Variants in TNRC6A observed in about 807,000 individuals in gnomAD.
TNRC6A encodes the protein trinucleotide repeat containing adaptor 6A, also known as trinucleotide repeat-containing gene 6A protein.
A neutral mutation model predicts 221.2 loss-of-function variants in TNRC6A; 44 were observed. That is an observed-to-expected ratio of 0.20 (90% CI 0.16 to 0.26). TNRC6A has a LOEUF of 0.26. TNRC6A is among the 10% of genes least tolerant of loss of function. TNRC6A has a pLI of 1.00. For synonymous variants in TNRC6A, 847 were observed against 838.5 expected (o/e 1.01, Z -0.18); for missense variants, 2,199 against 2,404.4 (o/e 0.91, Z 1.79).
intron 2 of TNRC6A, among the ~76,000 whole-genome samples, chr16:24,674,368 G>A (rs1357740349): frequency 6.6e-6 from 1 of 152,198 alleles, no homozygotes; most frequent in South Asian, 2.1e-4. Context: ...TCATGCCACT[G>A]CACTCCAGCC....
chr16:24,739,179 C>G (rs895563840), intron 2 of TNRC6A, among the ~76,000 whole-genome samples: 1 of 152,196 alleles, frequency 6.6e-6, no homozygotes, highest in Non-Finnish European at 1.5e-5. Context: ...CTTTCCATTG[C>G]CAGCATTTGT....
Position 24,613,438 on chromosome 16 carries a change from CATTTT to C in TNRC6A, n.276+3044_276+3048del, listed in dbSNP as rs869133147. On this transcript the variant is annotated intron_variant and non_coding_transcript_variant, in intron 1 of 2. Coordinates refer to the TNRC6A transcript ENST00000566108. ...TGGGATCAATGAGCAACTATTAAAG[CATTTT>C]ATTTTATTTTATTTTATTTTATTTT... is the stretch of plus-strand genomic sequence containing the variant. 8.3e-3 allele frequency among the ~76,000 whole-genome samples: 886 copies of C among 107,010 alleles called. 4 individuals are homozygous for C. Among genetic ancestry groups the C allele is most frequent in the East Asian group, 0.024 (83 of 3,530 alleles). The allele number at this position is 107,010 out of a possible 152,430, so 70.2% of individuals were successfully genotyped here.
At chr16:24,652,964 T>C (rs760805007) in intron 2 of TNRC6A, among the ~76,000 whole-genome samples, 8 of 152,196 alleles carry the variant, frequency 5.3e-5, no homozygotes, top group Admixed American at 2.0e-4. Context: ...GAGAATTCTC[T>C]TGAACTTTGT....
rs181578782 is a variant in TNRC6A, at chr16:24,670,230, G to A, written n.402+29221G>A. Among the ~76,000 whole-genome samples the A allele has an allele frequency of 5.0e-3, 757 of 152,060 alleles. 5 individuals carry two copies. Among genetic ancestry groups the A allele is most frequent in the Middle Eastern group, 6.8e-3 (2 of 294 alleles). ...CTCCCAAAGTGCTGGGATTACAGGC[G>A]TGAGCCACCACACCCAGCCAGCTGT... On this transcript the variant is annotated intron_variant and non_coding_transcript_variant, in intron 2 of 2. Transcript: ENST00000566108.
chr16:24,776,554 A>G (rs1406090708), intron 4 of TNRC6A: 2 of 985,338 alleles, frequency 2.0e-6, no homozygotes, highest in African/African-American at 3.5e-5. Context: ...GGAATAGAGG[A>G]TTCCCTTAGG....
At position 24,824,575 on chromosome 16, in the gene TNRC6A, T is replaced by C. The variant is rs2058835462; in HGVS notation, c.*768T>C. On this transcript the variant is annotated 3_prime_UTR_variant, in exon 25 of 25. Transcript: ENST00000395799. ...TCTTGTTTACAGATTTTTTTGTTTG[T>C]TTTTTGAGAAAAAAAAATGTTTACT... 6.6e-6 allele frequency: 1 copy of C among 152,326 alleles called. No individual in the cohort carries two copies. The highest frequency in any genetic ancestry group is 6.6e-5 in the Admixed American group (1 of 15,254). 9.4% of individuals were successfully genotyped at this position (152,326 alleles called of 1,614,324 possible). A position where few individuals can be genotyped will look rare whatever the true frequency, so the allele number is the denominator to read the frequency against.
At chr16:24,769,501 T>G (rs939218607) in intron 4 of TNRC6A, among the ~76,000 whole-genome samples, 2 of 150,660 alleles carry the variant, frequency 1.3e-5, no homozygotes, top group African/African-American at 4.9e-5. Context: ...AAAATAGAGC[T>G]CTTTACTAGA....
intron 1 of TNRC6A, 83 bp from the exon 2 acceptor site, chr16:24,730,170 G>T (rs1596560571): frequency 7.3e-7 from 1 of 1,372,454 alleles, no homozygotes; most frequent in Non-Finnish European, 9.6e-7. Flanking sequence ...GCGAGCCTCT[G>T]CCGCAGCAGC....
intron 2 of TNRC6A, among the ~76,000 whole-genome samples, chr16:24,718,410 C>T (rs1339919269): frequency 1.3e-5 from 2 of 152,224 alleles, no homozygotes; most frequent in East Asian, 3.9e-4. Context: ...AGGGAGGTAG[C>T]ATTTGAACTG....
chr16:24,664,367 T>C (rs1389677536), intron 2 of TNRC6A, among the ~76,000 whole-genome samples: 1 of 147,584 alleles, frequency 6.8e-6, no homozygotes, highest in Non-Finnish European at 1.5e-5. Context: ...TAACAATATT[T>C]ATTATGTATT....
At chr16:24,625,257 T>C (rs113960262) in intron 1 of TNRC6A, among the ~76,000 whole-genome samples, 5 of 152,238 alleles carry the variant, frequency 3.3e-5, no homozygotes, top group African/African-American at 1.2e-4. Context: ...GCATTGACTC[T>C]TCCCTAACAG....
chr16:24,789,817 A>G lies in TNRC6A; in HGVS notation c.1175A>G (p.Asn392Ser), dbSNP rs774710321. The G allele has an allele frequency of 1.2e-6, 2 of 1,614,200 alleles. No homozygotes were observed. The highest frequency in any genetic ancestry group is 1.7e-6 in the Non-Finnish European group (2 of 1,180,028). Residue 392 changes from asparagine to serine, a missense_variant, in exon 6 of 25, where the codon AAT (asparagine) becomes AGT (serine). By Grantham distance (46) the Asn-to-Ser change is conservative (BLOSUM62 1). This residue lies in a region of TNRC6A where 1,405 missense variants were observed against 1,400.2 expected (regional missense o/e 1.00). Transcript: ENST00000395799. ...GTAGGGAGTGGTAGTTCTGGCATTAATATTCAGTGCAGTACTATAGGCCAG... is the reference window on the plus strand; with the variant it reads ...GTAGGGAGTGGTAGTTCTGGCATTAGTATTCAGTGCAGTACTATAGGCCAG... ...GPVGSGSSGI[N>S]IQCSTIGQMP...
At position 24,823,670 on chromosome 16, in the gene TNRC6A, C is replaced by T. The variant is rs1457814151; in HGVS notation, c.5752C>T (p.Leu1918Phe). The change falls in exon 25 of 25, where the codon CTC becomes TTC. Residue 1918 changes from leucine to phenylalanine, a missense_variant. Leu to Phe is a conservative substitution (Grantham distance 22). Transcript: ENST00000395799. The surrounding 1 kb of genome is among the most constrained non-coding windows in gnomAD (Gnocchi z 4.3). ...CTGTGGAGACCTTCACGGCACTTCA[C>T]TCTGGGGGACCCCGCATTATTCCAC... is the stretch of plus-strand genomic sequence containing the variant. ...TNCGDLHGTSLWGTPHYSTSL... is the reference protein window; with the variant it reads ...TNCGDLHGTSFWGTPHYSTSL... 1.9e-6 allele frequency: 3 copies of T among 1,611,274 alleles called. No individual in the cohort carries two copies. The highest frequency in any genetic ancestry group is 2.5e-6 in the Non-Finnish European group (3 of 1,178,194).
chr16:24,615,323 G>A (rs1900286978), intron 1 of TNRC6A, among the ~76,000 whole-genome samples: 1 of 152,250 alleles, frequency 6.6e-6, no homozygotes, highest in Middle Eastern at 3.4e-3. Flanking sequence ...ATTCCGTGCT[G>A]AGCCCAGTAG....
At chr16:24,706,641 C>G (rs9635492) in intron 2 of TNRC6A, among the ~76,000 whole-genome samples, 37,549 of 146,138 alleles carry the variant, frequency 0.26, 7,945 homozygotes, top group East Asian at 0.72. Flanking sequence ...GCAGTGAGCC[C>G]AGATCGCGCT....
At chr16:24,626,787 T>C (rs1055616991) in intron 1 of TNRC6A, among the ~76,000 whole-genome samples, 11 of 151,472 alleles carry the variant, frequency 7.3e-5, no homozygotes, top group East Asian at 1.9e-4. Flanking sequence ...GTAGCTGGGA[T>C]TACAGGCACC....
chr16:24,762,977 G>A lies in TNRC6A; in HGVS notation c.163+4617G>A, dbSNP rs373190812. On this transcript the variant is annotated intron_variant, in intron 4 of 24. Transcript: ENST00000395799. The stretch of plus-strand genomic sequence containing the variant: ...TACAGTATTTCTCTATTGATTAAGC[G>A]TGTAGATTTTTTTTTTTTAAATTGT... Among the ~76,000 whole-genome samples the A allele has an allele frequency of 1.2e-3, 176 of 152,150 alleles. 2 individuals are homozygous for A. The South Asian group carries it at 0.027, about 24-fold the overall frequency.
At chr16:24,621,884 G>A (rs1900693759) in intron 1 of TNRC6A, among the ~76,000 whole-genome samples, 1 of 152,198 alleles carries the variant, frequency 6.6e-6, no homozygotes, top group African/African-American at 2.4e-5. Flanking sequence ...GAGCATCTGT[G>A]AATATGATGA....
chr16:24,680,131 T>C (rs1277568208), intron 2 of TNRC6A, among the ~76,000 whole-genome samples: 1 of 152,076 alleles, frequency 6.6e-6, no homozygotes, highest in Non-Finnish European at 1.5e-5. Context: ...AAAAATTTTA[T>C]ATGAAGAATA....
Sources: allele counts gnomAD v4.1 joint callset (sites outside exome capture counted in the v4.1 genomes callset), GRCh38; gene constraint gnomAD v4.1.1; regional missense constraint gnomAD v4.1.1; non-coding constraint Gnocchi (gnomAD v3.1); transcripts MANE v1.5; gene names NCBI Gene and HGNC (gene_info 2026-07-23, HGNC 2026-07-21).